The following GALNT17 variants were observed in gnomAD, a reference collection of about 807,000 sequenced individuals.
GALNT17 encodes the protein polypeptide N-acetylgalactosaminyltransferase 17.
In GALNT17, 29 loss-of-function variants were observed where a neutral mutation model predicts 63.7. That is an observed-to-expected ratio of 0.46 (90% CI 0.34 to 0.62). The LOEUF (loss-of-function observed/expected upper bound fraction) is 0.62, where lower values mean the gene tolerates loss of function less well. GALNT17 is among the 20% of genes least tolerant of loss of function. The pLI is 0.01. For missense variants in GALNT17, 603 were observed against 799.6 expected (o/e 0.75, Z 2.97); for synonymous variants, 305 against 318.3 (o/e 0.96, Z 0.45).
At chr7:71,433,025 G>C (rs926578179) in intron 5 of GALNT17, among the ~76,000 whole-genome samples, 1 of 152,174 alleles carries the variant, frequency 6.6e-6, no homozygotes, top group Non-Finnish European at 1.5e-5. Flanking sequence ...TGGCCAGGCT[G>C]GTCTCCACAC....
chr7:71,626,969 G>T (rs553900039), intron 6 of GALNT17, among the ~76,000 whole-genome samples: 3 of 152,282 alleles, frequency 2.0e-5, no homozygotes, highest in Admixed American at 2.0e-4. Flanking sequence ...CATCAGCACA[G>T]ATGCTTATCC....
chr7:71,222,914 C>G (rs911755446), intron 1 of GALNT17, among the ~76,000 whole-genome samples: 4 of 152,006 alleles, frequency 2.6e-5, no homozygotes, highest in Admixed American at 2.6e-4. Flanking sequence ...CTACAAAAAA[C>G]CCCCCAAAAT....
chr7:71,439,212 T>C (rs1219208589), intron 5 of GALNT17, among the ~76,000 whole-genome samples: 1 of 152,186 alleles, frequency 6.6e-6, no homozygotes, highest in Non-Finnish European at 1.5e-5. Flanking sequence ...GAGAGACATT[T>C]TAAATGCCAA....
intron 5 of GALNT17, among the ~76,000 whole-genome samples, chr7:71,435,630 A>C (rs1206668269): frequency 2.0e-5 from 3 of 152,054 alleles, no homozygotes; most frequent in Non-Finnish European, 4.4e-5. Flanking sequence ...GACTCAGCGC[A>C]AGAGGACGGC....
At chr7:71,301,113 C>A (rs957468523) in intron 1 of GALNT17, among the ~76,000 whole-genome samples, 4 of 151,038 alleles carry the variant, frequency 2.6e-5, no homozygotes, top group South Asian at 2.1e-4. Flanking sequence ...CATAACAAGA[C>A]CTTATCTCTA....
intron 5 of GALNT17, among the ~76,000 whole-genome samples, chr7:71,527,637 C>G (rs1788646370): frequency 6.6e-6 from 1 of 152,216 alleles, no homozygotes; most frequent in Admixed American, 6.5e-5. Flanking sequence ...TATTTGCCAT[C>G]TGTAGCAAAT....
At chr7:71,324,129 G>A (rs943717241) in intron 1 of GALNT17, among the ~76,000 whole-genome samples, 1 of 152,190 alleles carries the variant, frequency 6.6e-6, no homozygotes, top group African/African-American at 2.4e-5. Flanking sequence ...CCACTAATAA[G>A]CAGCTTTGCA....
intron 1 of GALNT17, among the ~76,000 whole-genome samples, chr7:71,294,194 T>C (rs942315049): frequency 3.3e-5 from 5 of 152,074 alleles, no homozygotes; most frequent in Non-Finnish European, 7.4e-5. Context: ...CTTTGACTTT[T>C]TACAATGTAG....
chr7:71,281,857 T>C (rs1224440614), intron 1 of GALNT17, among the ~76,000 whole-genome samples: 2 of 152,186 alleles, frequency 1.3e-5, no homozygotes, highest in Non-Finnish European at 2.9e-5. Flanking sequence ...CATTTGGAAA[T>C]AGAAAAAGTG....
chr7:71,229,412 G>C (rs921744673), intron 1 of GALNT17, among the ~76,000 whole-genome samples: 2 of 152,170 alleles, frequency 1.3e-5, no homozygotes, highest in Admixed American at 1.3e-4. Context: ...TCTGGACCCA[G>C]ACTCATGTTT....
chr7:71,587,954 G>A (rs1029088499), intron 6 of GALNT17, among the ~76,000 whole-genome samples: 12 of 152,180 alleles, frequency 7.9e-5, no homozygotes, highest in Admixed American at 1.3e-4. Flanking sequence ...GGCACAAGAA[G>A]AAGTTCCTGT....
intron 1 of GALNT17, among the ~76,000 whole-genome samples, chr7:71,222,290 A>G (rs573979105): frequency 6.6e-6 from 1 of 152,008 alleles, no homozygotes; most frequent in East Asian, 1.9e-4. Flanking sequence ...ATTGTAGTTC[A>G]TTGTTAGGGT....
chr7:71,205,145 CTTTTTACTTTT>C (rs1370395934), intron 1 of GALNT17, among the ~76,000 whole-genome samples: 1 of 137,544 alleles, frequency 7.3e-6, no homozygotes, highest in African/African-American at 2.8e-5. Context: ...TTATTTTTTA[CTTTTTACTTTT>C]TTTTTTTTTT....
At chr7:71,506,546 C>A (rs924661465) in intron 5 of GALNT17, among the ~76,000 whole-genome samples, 2 of 152,122 alleles carry the variant, frequency 1.3e-5, no homozygotes, top group Non-Finnish European at 2.9e-5. Context: ...GGATTACAGG[C>A]GTGAGCTACC....
intron 5 of GALNT17, among the ~76,000 whole-genome samples, chr7:71,457,905 C>T (rs1787383421): frequency 6.6e-6 from 1 of 152,186 alleles, no homozygotes; most frequent in African/African-American, 2.4e-5. Flanking sequence ...TGGAGTTGCT[C>T]TGTTTCAAAC....
At chr7:71,375,043 T>A (rs1179539526) in intron 2 of GALNT17, among the ~76,000 whole-genome samples, 2 of 152,096 alleles carry the variant, frequency 1.3e-5, no homozygotes, top group African/African-American at 4.8e-5. Flanking sequence ...TTTCACCATG[T>A]TGGCCAGGCT....
chr7:71,592,361 G>A (rs773160100), intron 6 of GALNT17, among the ~76,000 whole-genome samples: 1 of 151,948 alleles, frequency 6.6e-6, no homozygotes. Context: ...CAGCTGTAGT[G>A]GCAAGTGCCT....
In GALNT17 at chr7:71,636,554, C is replaced by T. The variant is rs75860295; in HGVS notation, c.1081-28857C>T. Among the ~76,000 whole-genome samples the T allele has an allele frequency of 8.3e-4, 127 of 152,268 alleles. 2 individuals are homozygous for T. In the East Asian group the frequency reaches 0.021, roughly 26 times the overall value. ...GTTTGCTCCAGTAAATAGCAGGCGA[C>T]GTCATCAGCTGAAAGTGAGAAGTGG... On this transcript the variant is annotated intron_variant, in intron 6 of 10. Coordinates refer to ENST00000333538, the MANE Select transcript of GALNT17 (RefSeq NM_022479.3).
At chr7:71,389,017 C>G (rs1793003043) in intron 3 of GALNT17, among the ~76,000 whole-genome samples, 1 of 152,148 alleles carries the variant, frequency 6.6e-6, no homozygotes, top group Admixed American at 6.5e-5. Context: ...CAGCTGCTCC[C>G]CAATGCTGGA....
Sources: allele counts gnomAD v4.1 joint callset (sites outside exome capture counted in the v4.1 genomes callset), GRCh38; gene constraint gnomAD v4.1.1; transcripts MANE v1.5; gene names NCBI Gene and HGNC (gene_info 2026-07-23, HGNC 2026-07-21).